GRIK1: variants seen among roughly 807,000 people sequenced by gnomAD.
The protein encoded by GRIK1 is glutamate ionotropic receptor kainate type subunit 1.
Under a neutral mutation model 105.7 loss-of-function variants are expected in GRIK1, and 69 were observed. That is an observed-to-expected ratio of 0.65 (90% confidence interval 0.54 to 0.80). The LOEUF (loss-of-function observed/expected upper bound fraction) is 0.80. GRIK1 is among the 30% of genes least tolerant of loss of function. The pLI is 0.00. For missense variants in GRIK1, 1,109 were observed against 1,167.3 expected, an observed-to-expected ratio of 0.95 and a Z score of 0.73; for synonymous variants, 438 against 431.3, an observed-to-expected ratio of 1.02 and a Z score of -0.19.
chr21:29,803,810 A>G (rs961073007), intron 1 of GRIK1, among the ~76,000 whole-genome samples: 11 of 152,130 alleles, frequency 7.2e-5, no homozygotes, highest in Non-Finnish European at 1.6e-4. Flanking sequence ...CCATTGCTTT[A>G]TCCAAGCAAT....
chr21:29,587,400 A>G lies in GRIK1; in HGVS notation c.1759T>C (p.Leu587=). 1 of 1,613,502 alleles carries G rather than the reference A, an allele frequency of 6.2e-7. No homozygotes were observed. Among genetic ancestry groups the G allele is most frequent in the Non-Finnish European group, 8.5e-7 (1 of 1,179,420 alleles). ...DIWMYVLLAC[L]GVSCVLFVIA... is the part of the protein sequence containing the mutation. Reference sequence around the variant, plus strand: ...ACAAAGAGTACACAGCTGACTCCCAAGCAGGCTAAGAGCACATACATCCAA... The same window carrying G: ...ACAAAGAGTACACAGCTGACTCCCAGGCAGGCTAAGAGCACATACATCCAA... The change falls in exon 12 of 18, where the codon TTG becomes CTG. Residue 587 remains leucine (L), a synonymous_variant. Transcript: ENST00000327783.
At position 29,689,999 on chromosome 21, in the gene GRIK1, A is replaced by G; in HGVS notation, c.287-14T>C. 2.5e-6 allele frequency: 4 copies of G among 1,603,424 alleles called. No homozygotes were observed. The highest frequency in any genetic ancestry group is 3.4e-6 in the Non-Finnish European group (4 of 1,171,602). Reference sequence around the variant, plus strand: ...GCTGGTCACATGCTGATGCCCAAGGACAAGGAGAGGATGGGGAGGGAGGGC... The same window carrying G: ...GCTGGTCACATGCTGATGCCCAAGGGCAAGGAGAGGATGGGGAGGGAGGGC... On this transcript the variant is annotated splice_polypyrimidine_tract_variant and intron_variant, in intron 2 of 17. Coordinates refer to ENST00000327783, the MANE Select transcript of GRIK1 (RefSeq NM_001330994.2).
chr21:29,939,399 C>T lies in GRIK1; in HGVS notation c.102G>A (p.Pro34=). The change falls in exon 1 of 18, where the codon CCG becomes CCA. Residue 34 remains proline, a synonymous_variant. Transcript: ENST00000327783. ...FLCYILPQTA[P]QVLRIGGIFE... ...CTCACTCACCGATCCTGAGTACTTG[C>T]GGGGCGGTCTGAGGGAGGATATAGC... 6.5e-7 allele frequency: 1 copy of T among 1,546,294 alleles called. No individual in the cohort carries two copies.
intron 1 of GRIK1, among the ~76,000 whole-genome samples, chr21:29,756,893 C>A (rs770775947): frequency 6.6e-6 from 1 of 152,070 alleles, no homozygotes; most frequent in South Asian, 2.1e-4. Context: ...GTGGGCGGAT[C>A]GTCTGAGCTC....
chr21:29,618,955 G>A (rs1312203868), intron 7 of GRIK1, among the ~76,000 whole-genome samples: 3 of 151,260 alleles, frequency 2.0e-5, no homozygotes, highest in African/African-American at 4.9e-5. Flanking sequence ...GTGAAACCCC[G>A]TCTCTACTAA....
intron 6 of GRIK1, among the ~76,000 whole-genome samples, chr21:29,645,331 C>A (rs972948493): frequency 2.6e-5 from 4 of 152,134 alleles, no homozygotes; most frequent in Non-Finnish European, 5.9e-5. Context: ...GTGACTTGGA[C>A]TGTTTCTTAT....
intron 1 of GRIK1, among the ~76,000 whole-genome samples, chr21:29,729,739 G>C (rs760153432): frequency 1.3e-5 from 2 of 152,168 alleles, no homozygotes; most frequent in Admixed American, 1.3e-4. Context: ...TTTCATGTCT[G>C]TAACTGTAGT....
Position 29,736,610 on chromosome 21 carries a change from G to T in GRIK1, c.119-42547C>A, listed in dbSNP as rs144254954. ...TATTAAGTGGGCATTTTTATGAAAG[G>T]GAAAGTTTACTTTAGACTTTAACAA... is the stretch of plus-strand genomic sequence containing the variant. On this transcript the variant is annotated intron_variant, in intron 1 of 17. Transcript: ENST00000327783. 1.5e-3 allele frequency among the ~76,000 whole-genome samples: 229 copies of T among 151,932 alleles called. 1 individual carries two copies. The highest frequency in any genetic ancestry group is 5.4e-3 in the African/African-American group (222 of 41,440).
chr21:29,648,562 C>G (rs955187113), intron 6 of GRIK1, among the ~76,000 whole-genome samples: 2 of 147,850 alleles, frequency 1.4e-5, no homozygotes, highest in African/African-American at 4.9e-5. Flanking sequence ...TGACGGTGTA[C>G]TTCGCACTGG....
intron 1 of GRIK1, among the ~76,000 whole-genome samples, chr21:29,909,167 C>T (rs901259639): frequency 1.3e-4 from 20 of 151,774 alleles, no homozygotes; most frequent in Non-Finnish European, 1.9e-4. Context: ...AATCAAGCCA[C>T]GAAATTTTTA....
At chr21:29,840,952 G>T (rs1032786618) in intron 1 of GRIK1, among the ~76,000 whole-genome samples, 3 of 152,082 alleles carry the variant, frequency 2.0e-5, no homozygotes, top group African/African-American at 4.8e-5. Flanking sequence ...ATTAGACATG[G>T]CTTAGCAACT....
chr21:29,868,516 A>G (rs1421689436), intron 1 of GRIK1, among the ~76,000 whole-genome samples: 1 of 151,110 alleles, frequency 6.6e-6, no homozygotes, highest in African/African-American at 2.4e-5. Context: ...CTCTCCCTTC[A>G]TCACCTACTT....
chr21:29,605,469 A>G (rs1038706003), intron 7 of GRIK1, among the ~76,000 whole-genome samples: 3 of 152,042 alleles, frequency 2.0e-5, no homozygotes, highest in East Asian at 1.9e-4. Flanking sequence ...TCTATCATTG[A>G]TGGGCAATTG....
At chr21:29,887,614 A>G (rs562497971) in intron 1 of GRIK1, among the ~76,000 whole-genome samples, 4 of 152,248 alleles carry the variant, frequency 2.6e-5, no homozygotes, top group Admixed American at 1.3e-4. Context: ...TTCTCATATA[A>G]TAAGAAAGTC....
chr21:29,638,424 AC>A (rs1273217515), intron 7 of GRIK1, among the ~76,000 whole-genome samples: 1 of 152,140 alleles, frequency 6.6e-6, no homozygotes, highest in African/African-American at 2.4e-5. Context: ...GATTATGGGT[AC>A]CCCACTCCAC....
At chr21:29,836,878 G>A (rs953221978) in intron 1 of GRIK1, among the ~76,000 whole-genome samples, 7 of 152,132 alleles carry the variant, frequency 4.6e-5, no homozygotes, top group African/African-American at 1.7e-4. Context: ...GAAAGAAGAA[G>A]CCACCTACAT....
At chr21:29,799,187 T>G (rs1017094272) in intron 1 of GRIK1, among the ~76,000 whole-genome samples, 1 of 152,214 alleles carries the variant, frequency 6.6e-6, no homozygotes, top group African/African-American at 2.4e-5. Flanking sequence ...ACCTTTAATG[T>G]GCCATCAAAG....
intron 1 of GRIK1, among the ~76,000 whole-genome samples, chr21:29,865,103 C>T (rs972048845): frequency 2.6e-5 from 4 of 152,176 alleles, no homozygotes; most frequent in African/African-American, 7.2e-5. Flanking sequence ...TTACTGTATA[C>T]AGGACTTTTT....
intron 1 of GRIK1, among the ~76,000 whole-genome samples, chr21:29,892,623 G>A (rs564071329): frequency 6.6e-6 from 1 of 152,300 alleles, no homozygotes; most frequent in East Asian, 1.9e-4. Context: ...TCAGTGGACC[G>A]ACCCAAGATG....
Sources: gnomAD v4.1 joint callset for allele counts (sites outside exome capture counted in the v4.1 genomes callset) on GRCh38, gnomAD v4.1.1 for gene constraint, MANE v1.5 for transcripts, NCBI Gene and HGNC (gene_info 2026-07-23, HGNC 2026-07-21) for gene names.